The following ZFPL1 variants were observed in gnomAD, a reference collection of about 807,000 sequenced individuals.
ZFPL1 encodes zinc finger protein-like 1.
Under a neutral mutation model 32.0 loss-of-function variants are expected in ZFPL1, and 28 were observed. The observed-to-expected ratio is 0.87, with a 90% confidence interval of 0.65 to 1.20. The LOEUF is 1.20. Among genes scored for constraint, ZFPL1 ranks in the 50% most tolerant of loss-of-function variants. The pLI is 0.00. For synonymous variants in ZFPL1, 165 were observed against 177.0 expected (o/e 0.93, Z 0.54); for missense variants, 386 against 424.8 (o/e 0.91, Z 0.80).
intron 6 of ZFPL1, 97 bp from the exon 7 acceptor site, chr11:65,087,219 T>C (rs1374899170): frequency 2.6e-6 from 4 of 1,556,204 alleles, no homozygotes; most frequent in Admixed American, 3.4e-5. Flanking sequence ...AATTCTGAGA[T>C]GTTCTGTCAG....
At position 65,088,380 on chromosome 11, in the gene ZFPL1, A is replaced by G. The variant is rs1299593213; in HGVS notation, c.*266A>G. 6.9e-7 allele frequency: 1 copy of G among 1,446,414 alleles called. No homozygotes were observed. Among genetic ancestry groups the G allele is most frequent in the Admixed American group, 2.0e-5 (1 of 50,840 alleles). The allele number at this position is 1,446,414 out of a possible 1,614,324, so 89.6% of individuals were successfully genotyped here. ...ATGAAGGAGCTGGCAGGTGGAAATA[A>G]ACAACAACTTTATTAAAACACCCGA... On this transcript the variant is annotated 3_prime_UTR_variant, in exon 8 of 8. Coordinates refer to ENST00000294258, the MANE Select transcript of ZFPL1 (RefSeq NM_006782.4).
chr11:65,084,920 T>G (rs749887408), intron 2 of ZFPL1, 120 bp downstream of exon 2: 1 of 1,261,464 alleles, frequency 7.9e-7, no homozygotes, highest in Admixed American at 1.9e-5. Flanking sequence ...AAGGACTTGA[T>G]TTATTTTGTT....
intron 3 of ZFPL1, chr11:65,085,784 T>C (rs1947672118): frequency 5.0e-6 from 1 of 198,530 alleles, no homozygotes; most frequent in Non-Finnish European, 1.1e-5. Flanking sequence ...TTAATGTACA[T>C]TGTGTGTTTA....
In ZFPL1 at chr11:65,084,282, C is replaced by T. The variant is rs1947646612; in HGVS notation, c.-105C>T. 7.2e-6 allele frequency: 4 copies of T among 552,678 alleles called. No homozygotes were observed. The highest frequency in any genetic ancestry group is 1.9e-5 in the African/African-American group (1 of 52,200). 34.2% of individuals were successfully genotyped at this position (552,678 alleles called of 1,614,324 possible). On this transcript the variant is annotated 5_prime_UTR_variant, in exon 1 of 8. Coordinates refer to ENST00000294258, the MANE Select transcript of ZFPL1 (RefSeq NM_006782.4). Reference sequence around the variant, plus strand: ...GGGGCTGAAGGGAGAGGCGCAGGAGCCCTGGGGAGAGTGGTCCCTGCCCTT... The same window carrying T: ...GGGGCTGAAGGGAGAGGCGCAGGAGTCCTGGGGAGAGTGGTCCCTGCCCTT...
At chr11:65,084,452 G>T in intron 1 of ZFPL1, 74 bp downstream of exon 1, 1 of 575,164 alleles carries the variant, frequency 1.7e-6, no homozygotes, top group South Asian at 2.2e-5. Flanking sequence ...CGGTAGTATC[G>T]GGGAGCCTCT....
chr11:65,087,923 C>G lies in ZFPL1; in HGVS notation c.747-5C>G. ...CCTGACCTGATTTTCCCCTCATCCC[C>G]CCAGGAGCCGGGCTGGGTCTCGGAA... On this transcript the variant is annotated splice_polypyrimidine_tract_variant and splice_region_variant and intron_variant, in intron 7 of 7. Transcript: ENST00000294258. 6.4e-7 allele frequency: 1 copy of G among 1,556,024 alleles called. No individual in the cohort carries two copies. Among genetic ancestry groups the G allele is most frequent in the Non-Finnish European group, 8.6e-7 (1 of 1,164,600 alleles).
Position 65,088,194 on chromosome 11 carries a change from C to G in ZFPL1, c.*80C>G, listed in dbSNP as rs1947699032. The G allele has an allele frequency of 6.7e-7, 1 of 1,482,884 alleles. No individual in the cohort carries two copies. Among genetic ancestry groups the G allele is most frequent in the Non-Finnish European group, 9.2e-7 (1 of 1,092,274 alleles). 91.9% of individuals were successfully genotyped at this position (1,482,884 alleles called of 1,614,324 possible). On this transcript the variant is annotated 3_prime_UTR_variant, in exon 8 of 8. Coordinates refer to ENST00000294258, the MANE Select transcript of ZFPL1 (RefSeq NM_006782.4). Reference sequence around the variant, plus strand: ...CGGGGTAATGGGGAGGCTGAGGGCACCTCTTCACTGCCCCTCTCCCTCAAG... The same window carrying G: ...CGGGGTAATGGGGAGGCTGAGGGCAGCTCTTCACTGCCCCTCTCCCTCAAG...
intron 1 of ZFPL1, 148 bp from the exon 2 acceptor site, chr11:65,084,543 C>T (rs1947651417): frequency 1.5e-6 from 1 of 673,150 alleles, no homozygotes; most frequent in East Asian, 2.8e-5. Context: ...GGGTGTTTCT[C>T]CGCATAAGGA....
At position 65,087,421 on chromosome 11, in the gene ZFPL1, C is replaced by T. The variant is rs907816875; in HGVS notation, c.734C>T (p.Ala245Val). The change falls in exon 7 of 8, where the codon GCC becomes GTC. Residue 245 changes from alanine (A) to valine (V), a missense_variant. Ala to Val is a moderately conservative substitution (Grantham distance 64). Transcript: ENST00000294258. The part of the protein sequence containing the change: ...YRRRPALGWL[A>V]RLLRSRAGSR... ...CGTCGGCCGGCCTTGGGTTGGCTGG[C>T]CCGGCTGCTAAGGTACACAGGGTCA... The T allele has an allele frequency of 1.9e-6, 3 of 1,614,030 alleles. No homozygotes were observed. Among genetic ancestry groups the T allele is most frequent in the African/African-American group, 1.3e-5 (1 of 75,016 alleles).
Position 65,087,231 on chromosome 11 carries a change from C to T in ZFPL1, c.629-85C>T. The T allele has an allele frequency of 1.0e-5, 16 of 1,557,944 alleles. No homozygotes were observed. The South Asian group carries it at 1.8e-4, about 18-fold the overall frequency. ...CACAATTCTGAGATGTTCTGTCAGA[C>T]TGAGGAGAGCAGGTGATCCCCCTAG... On this transcript the variant is annotated intron_variant, in intron 6 of 7. Coordinates refer to ENST00000294258, the MANE Select transcript of ZFPL1 (RefSeq NM_006782.4).
chr11:65,088,391 T>C lies in ZFPL1; in HGVS notation c.*277T>C. 6.7e-7 allele frequency: 1 copy of C among 1,484,844 alleles called. No individual in the cohort carries two copies. Among genetic ancestry groups the C allele is most frequent in the Non-Finnish European group, 9.1e-7 (1 of 1,100,142 alleles). 92.0% of individuals were successfully genotyped at this position (1,484,844 alleles called of 1,614,324 possible). A position where few individuals can be genotyped will look rare whatever the true frequency, so the allele number is the denominator to read the frequency against. On this transcript the variant is annotated 3_prime_UTR_variant, in exon 8 of 8. Transcript: ENST00000294258. ...GGCAGGTGGAAATAAACAACAACTT[T>C]ATTAAAACACCCGAGGCAGCCTTTT...
chr11:65,085,994 T>C (rs1947675150), intron 3 of ZFPL1: 1 of 185,426 alleles, frequency 5.4e-6, no homozygotes, highest in Non-Finnish European at 1.1e-5. Flanking sequence ...ATGCCACTTG[T>C]GTTTGATTAT....
rs113143197 is a variant in ZFPL1, at chr11:65,084,790, A to G, written c.92A>G (p.Asn31Ser). 89 of 1,614,072 alleles carry G rather than the reference A, an allele frequency of 5.5e-5. No homozygotes were observed. The highest frequency in any genetic ancestry group is 4.9e-4 in the East Asian group (22 of 44,864). ...VNVCEHCLVANHAKCIVQSYL... is the reference protein window; with the variant it reads ...VNVCEHCLVASHAKCIVQSYL... ...GTCTGCGAGCACTGCCTGGTAGCCA[A>G]TCACGCCAAGGTGGGGCCTTCAGGG... Residue 31 changes from asparagine (N) to serine (S), a missense_variant, in exon 2 of 8, where the codon AAT becomes AGT. Physicochemically the swap from Asn to Ser is conservative, Grantham distance 46. Coordinates refer to ENST00000294258, the MANE Select transcript of ZFPL1 (RefSeq NM_006782.4).
At chr11:65,086,201 C>T in intron 3 of ZFPL1, 3 of 666,026 alleles carry the variant, frequency 4.5e-6, no homozygotes, top group Non-Finnish European at 7.8e-6. Flanking sequence ...CCAAACTTAC[C>T]CCTGTGAGCT....
chr11:65,085,424 A>T, intron 3 of ZFPL1, 198 bp downstream of exon 3: 1 of 601,610 alleles, frequency 1.7e-6, no homozygotes, highest in Non-Finnish European at 3.0e-6. Flanking sequence ...TGTCTTTCCT[A>T]AAAATTAAAG....
chr11:65,087,000 G>A lies in ZFPL1; in HGVS notation c.554G>A (p.Arg185Gln), dbSNP rs370701035. The change falls in exon 6 of 8, where the codon CGG becomes CAG. Residue 185 changes from arginine to glutamine, a missense_variant. By Grantham distance (43) the Arg-to-Gln change is conservative (BLOSUM62 1). Coordinates refer to ENST00000294258, the MANE Select transcript of ZFPL1 (RefSeq NM_006782.4). ...AAPAFYSQAP[R>Q]PPASPGRPEQ... ...CCAGCCTTCTACAGCCAGGCCCCCC[G>A]GCCCCCAGCTTCCCCAGGCCGGCCC... 2.4e-5 allele frequency: 38 copies of A among 1,613,778 alleles called. No individual in the cohort carries two copies. Among genetic ancestry groups the A allele is most frequent in the Admixed American group, 3.3e-5 (2 of 59,988 alleles).
intron 7 of ZFPL1, 128 bp from the exon 8 acceptor site, chr11:65,087,800 G>C: frequency 6.1e-6 from 6 of 984,248 alleles, no homozygotes; most frequent in Non-Finnish European, 8.8e-6. Context: ...GCAGGTGCAG[G>C]AGTGATCATC....
At chr11:65,086,000 A>C in intron 3 of ZFPL1, 1 of 249,394 alleles carries the variant, frequency 4.0e-6, no homozygotes, top group Non-Finnish European at 7.9e-6. Context: ...CTTGTGTTTG[A>C]TTATGTGCTT....
At chr11:65,087,837 G>A in intron 7 of ZFPL1, 91 bp from the exon 8 acceptor site, 7 of 1,327,950 alleles carry the variant, frequency 5.3e-6, no homozygotes, top group Non-Finnish European at 6.1e-6. Context: ...GGAGATGGAG[G>A]CTCAGGAATG....
Sources: gnomAD v4.1 joint callset for allele counts on GRCh38, gnomAD v4.1.1 for gene constraint, MANE v1.5 for transcripts, NCBI Gene and HGNC (gene_info 2026-07-23, HGNC 2026-07-21) for gene names.